Variants in CDH23 observed in about 807,000 individuals in gnomAD.
The protein encoded by CDH23 is cadherin related 23, also known as cadherin-23.
CDH23 carries 189 observed loss-of-function variants against 317.1 expected under a neutral mutation model. The observed-to-expected ratio is 0.60, with a 90% CI of 0.53 to 0.67. CDH23 has a LOEUF of 0.67. Ranked by LOEUF, CDH23 falls within the 30% of genes least tolerant of loss-of-function variation. CDH23 has a pLI of 0.00. For synonymous variants in CDH23, 1,839 were observed against 1,876.8 expected (o/e 0.98, Z 0.52); for missense variants, 4,401 against 4,592.4 (o/e 0.96, Z 1.20).
chr10:71,690,565 T>C lies in CDH23; in HGVS notation c.2157T>C (p.Phe719=). 6.2e-7 allele frequency: 1 copy of C among 1,604,790 alleles called. No individual in the cohort carries two copies. The highest frequency in any genetic ancestry group is 8.5e-7 in the Non-Finnish European group (1 of 1,175,724). The change falls in exon 20 of 70, where the codon TTT becomes TTC. Residue 719 remains phenylalanine, a synonymous_variant. Transcript: ENST00000224721. The part of the protein sequence containing the change: ...IIYSLEGSTQ[F]RINARSGEIT... Reference sequence around the variant, plus strand: ...ACTCCTTGGAAGGCTCCACCCAGTTTCGGATCAATGCCCGCTCAGGTGAGC... The same window carrying C: ...ACTCCTTGGAAGGCTCCACCCAGTTCCGGATCAATGCCCGCTCAGGTGAGC...
intron 9 of CDH23, among the ~76,000 whole-genome samples, chr10:71,598,137 C>T (rs752985824): frequency 2.2e-4 from 33 of 152,216 alleles, no homozygotes; most frequent in East Asian, 1.2e-3. Flanking sequence ...CATCTTCCGA[C>T]GGGAGCCTGT....
rs10999882 is a variant in CDH23, at chr10:71,566,583, C to T, written c.430-159C>T. ...TGAAGAAGAGGAAAAGAAAAGATAC[C>T]GCATTTTAAATTTTGGGGCCCCTCC... On this transcript the variant is annotated intron_variant, in intron 6 of 69. Coordinates refer to ENST00000224721, the MANE Select transcript of CDH23 (RefSeq NM_022124.6). Among the ~76,000 whole-genome samples, 76,210 of 152,060 alleles carry T rather than the reference C, an allele frequency of 0.5. 19,532 individuals are homozygous for T. Among genetic ancestry groups the T allele is most frequent in the East Asian group, 0.74 (3,812 of 5,172 alleles).
intron 41 of CDH23, among the ~76,000 whole-genome samples, chr10:71,783,946 T>C (rs1841025848): frequency 6.6e-6 from 1 of 152,180 alleles, no homozygotes; most frequent in African/African-American, 2.4e-5. Context: ...TGGGTGCTAG[T>C]GTAGCAAGAA....
At chr10:71,760,709 G>T in intron 38 of CDH23, 1 of 688,154 alleles carries the variant, frequency 1.5e-6, no homozygotes, top group Non-Finnish European at 2.6e-6. Context: ...ATTGCACCAA[G>T]GAGGAAGCAG....
chr10:71,730,431 C>A, intron 30 of CDH23, 38 bp from the exon 31 acceptor site: 1 of 1,607,660 alleles, frequency 6.2e-7, no homozygotes, highest in Non-Finnish European at 8.5e-7. Context: ...CAGCCTCCAC[C>A]CCACCCTGAC....
At position 71,442,235 on chromosome 10, in the gene CDH23, G is replaced by A. The variant is rs183584871; in HGVS notation, c.67+2337G>A. Among the ~76,000 whole-genome samples the A allele has an allele frequency of 8.5e-5, 13 of 152,338 alleles. No individual in the cohort carries two copies. The East Asian group carries it at 2.5e-3, about 29-fold the overall frequency. On this transcript the variant is annotated intron_variant, in intron 2 of 69. Transcript: ENST00000224721. ...GGTCGGCCTGCATGTGGACTAGCCT[G>A]CTTTGCCATACGCACAAGGGTCCCT...
At chr10:71,722,142 T>C (rs536519224) in intron 28 of CDH23, among the ~76,000 whole-genome samples, 2 of 152,310 alleles carry the variant, frequency 1.3e-5, no homozygotes, top group South Asian at 4.1e-4. Context: ...AAATCCATTC[T>C]ATATTATCTT....
chr10:71,738,720 C>T (rs777536729), intron 35 of CDH23, 73 bp downstream of exon 35: 25 of 1,525,232 alleles, frequency 1.6e-5, no homozygotes, highest in Non-Finnish European at 2.0e-5. Context: ...GCTGGAGGGG[C>T]CTTCTGAGCC....
intron 38 of CDH23, among the ~76,000 whole-genome samples, chr10:71,758,610 G>C (rs1840210566): frequency 6.6e-6 from 1 of 152,232 alleles, no homozygotes; most frequent in Admixed American, 6.5e-5. Flanking sequence ...AAGCAGGCCT[G>C]CAGCCAGATC....
At chr10:71,444,145 C>G (rs542284693) in intron 2 of CDH23, among the ~76,000 whole-genome samples, 56 of 152,378 alleles carry the variant, frequency 3.7e-4, no homozygotes, top group Non-Finnish European at 6.8e-4. Flanking sequence ...GGATCAAAAG[C>G]CTTCCCGTCG....
At chr10:71,731,956 G>T in intron 31 of CDH23, 31 bp from the exon 32 acceptor site, 1 of 1,602,712 alleles carries the variant, frequency 6.2e-7, no homozygotes, top group Non-Finnish European at 8.5e-7. Context: ...AGTTCTATCT[G>T]GGACTGCACA....
rs528035730 is a variant in CDH23, at chr10:71,713,717, G to C, written c.3369+904G>C. The C allele has an allele frequency of 3.3e-3, 576 of 173,196 alleles. 4 individuals are homozygous for C. The highest frequency in any genetic ancestry group is 8.7e-3 in the South Asian group (71 of 8,122). 10.7% of individuals were successfully genotyped at this position (173,196 alleles called of 1,614,324 possible). Reference sequence around the variant, plus strand: ...TTGGAGCATACCCCCCTGGCCTGGTGCCTGAAACCCAATTGAGAGCCCTCC... The same window carrying C: ...TTGGAGCATACCCCCCTGGCCTGGTCCCTGAAACCCAATTGAGAGCCCTCC... On this transcript the variant is annotated intron_variant, in intron 28 of 69. Transcript: ENST00000224721.
intron 22 of CDH23, among the ~76,000 whole-genome samples, 179 bp from the exon 23 acceptor site, chr10:71,701,843 T>G (rs1865597210): frequency 6.6e-6 from 1 of 152,010 alleles, no homozygotes. Flanking sequence ...CCTAGAGAAC[T>G]CCTGCCTCCC....
At chr10:71,529,505 G>T (rs1455651619) in intron 6 of CDH23, among the ~76,000 whole-genome samples, 1 of 152,164 alleles carries the variant, frequency 6.6e-6, no homozygotes, top group Non-Finnish European at 1.5e-5. Context: ...GCACAGAGGG[G>T]CCATTTTTTC....
intron 1 of CDH23, among the ~76,000 whole-genome samples, chr10:71,431,234 G>A (rs553688153): frequency 6.6e-6 from 1 of 152,356 alleles, no homozygotes; most frequent in East Asian, 1.9e-4. Flanking sequence ...GGGGAACTCA[G>A]AGACACCAGG....
chr10:71,707,072 C>T (rs368376187), intron 26 of CDH23, 23 bp downstream of exon 26: 17 of 1,588,938 alleles, frequency 1.1e-5, no homozygotes, highest in Admixed American at 1.8e-5. Context: ...CCTCCGCCCA[C>T]CTGTGCAGGC....
chr10:71,572,278 C>T (rs1857868935), intron 8 of CDH23, among the ~76,000 whole-genome samples: 1 of 151,672 alleles, frequency 6.6e-6, no homozygotes, highest in African/African-American at 2.4e-5. Flanking sequence ...TTTCCTAGCC[C>T]CTTTTCTCTC....
chr10:71,428,811 A>G (rs1032003333), intron 1 of CDH23, among the ~76,000 whole-genome samples: 1 of 152,086 alleles, frequency 6.6e-6, no homozygotes, highest in Non-Finnish European at 1.5e-5. Flanking sequence ...ACTGGTCTCA[A>G]ACTCCTGACC....
chr10:71,439,968 G>A (rs1849799414), intron 2 of CDH23, 70 bp downstream of exon 2: 2 of 1,241,920 alleles, frequency 1.6e-6, no homozygotes, highest in Admixed American at 4.0e-5. Flanking sequence ...GGAGGGTGTT[G>A]GGGCTGGTGG....
Sources: allele counts gnomAD v4.1 joint callset (sites outside exome capture counted in the v4.1 genomes callset), GRCh38; gene constraint gnomAD v4.1.1; transcripts MANE v1.5; gene names NCBI Gene and HGNC (gene_info 2026-07-23, HGNC 2026-07-21).